The following PCDHA12 variants were observed in gnomAD, a reference collection of about 807,000 sequenced individuals.
PCDHA12 encodes protocadherin alpha 12.
In PCDHA12, 44 loss-of-function variants were observed where a neutral mutation model predicts 60.0. That is an observed-to-expected ratio of 0.73 (90% CI 0.58 to 0.94). The LOEUF (loss-of-function observed/expected upper bound fraction) is 0.94, where lower values mean the gene tolerates loss of function less well. Ranked by LOEUF, PCDHA12 falls within the 40% of genes least tolerant of loss-of-function variation. PCDHA12 has a pLI of 0.00. For synonymous variants in PCDHA12, 569 were observed against 553.0 expected, an observed-to-expected ratio of 1.03 and a Z score of -0.40; for missense variants, 1,276 against 1,239.7, an observed-to-expected ratio of 1.03 and a Z score of -0.44.
chr5:140,961,760 A>G (rs1563318527), intron 1 of PCDHA12, among the ~76,000 whole-genome samples: 3 of 152,172 alleles, frequency 2.0e-5, no homozygotes. Context: ...TTTTGAAGGA[A>G]TTTATATCAA....
intron 1 of PCDHA12, among the ~76,000 whole-genome samples, chr5:140,910,040 G>C (rs552041915): frequency 1.3e-5 from 2 of 152,276 alleles, no homozygotes; most frequent in South Asian, 4.2e-4. Context: ...AATCCCACTT[G>C]GTCATAATAA....
At chr5:140,939,766 C>T (rs58911992) in intron 1 of PCDHA12, among the ~76,000 whole-genome samples, 27,055 of 152,058 alleles carry the variant, frequency 0.18, 2,673 homozygotes, top group African/African-American at 0.26. Context: ...TATAGTATTT[C>T]AGGGTGTGAA....
chr5:141,004,037 G>A (rs946974688), intron 3 of PCDHA12, among the ~76,000 whole-genome samples: 1 of 152,200 alleles, frequency 6.6e-6, no homozygotes, highest in African/African-American at 2.4e-5. Flanking sequence ...TTCCTTGATT[G>A]ATCATTTGCT....
intron 1 of PCDHA12, among the ~76,000 whole-genome samples, chr5:140,941,409 C>T (rs1284702446): frequency 2.7e-5 from 4 of 149,924 alleles, no homozygotes; most frequent in Admixed American, 1.3e-4. Flanking sequence ...CTCCGCCTCC[C>T]GGGTTCAAGC....
chr5:140,985,902 T>G (rs1026675848), intron 3 of PCDHA12, among the ~76,000 whole-genome samples: 2 of 151,212 alleles, frequency 1.3e-5, no homozygotes, highest in Non-Finnish European at 2.9e-5. Flanking sequence ...ACCACTCCCG[T>G]CTAATTTTTT....
Position 140,968,451 on chromosome 5 carries a change from C to T in PCDHA12, c.2368-10498C>T, listed in dbSNP as rs782416830. 9 of 1,614,130 alleles carry T rather than the reference C, an allele frequency of 5.6e-6. No homozygotes were observed. The South Asian group carries it at 9.9e-5, about 18-fold the overall frequency. ...AAGGGGAGCCCACCACTGAGCAGCACTGTGACTGCCAACGTATATGTGGTG... is the reference window on the plus strand; with the variant it reads ...AAGGGGAGCCCACCACTGAGCAGCATTGTGACTGCCAACGTATATGTGGTG... On this transcript the variant is annotated intron_variant, in intron 1 of 3. Transcript: ENST00000398631.
chr5:140,997,675 TG>T (rs1554255972), intron 3 of PCDHA12, among the ~76,000 whole-genome samples: 41 of 151,686 alleles, frequency 2.7e-4, no homozygotes, highest in African/African-American at 9.7e-4. Flanking sequence ...AGCTTGTGTG[TG>T]TGTGTGTGTG....
intron 1 of PCDHA12, chr5:140,966,987 C>T (rs782372991): frequency 6.2e-7 from 1 of 1,604,132 alleles, no homozygotes; most frequent in South Asian, 1.1e-5. Context: ...CGCTTGGGGC[C>T]GGGTTGCTTG....
chr5:140,948,076 A>G (rs1554218436), intron 1 of PCDHA12, among the ~76,000 whole-genome samples: 1 of 151,508 alleles, frequency 6.6e-6, no homozygotes, highest in Non-Finnish European at 1.5e-5. Flanking sequence ...ATTTTCTTTT[A>G]ATCTATTGAT....
chr5:140,877,296 C>A lies in PCDHA12; in HGVS notation c.1824C>A (p.Ser608=), dbSNP rs781799440. ...DADSGYNAWL[S]YELQPAAVGA... is the part of the protein sequence containing the mutation. ...ACTCCGGCTATAACGCTTGGCTGTC[C>A]TACGAGTTGCAACCGGCGGCGGTCG... Residue 608 remains serine, a synonymous_variant, in exon 1 of 4, where the codon TCC becomes TCA. Coordinates refer to ENST00000398631, the MANE Select transcript of PCDHA12 (RefSeq NM_018903.4). 1.2e-6 allele frequency: 2 copies of A among 1,613,942 alleles called. No individual in the cohort carries two copies. The highest frequency in any genetic ancestry group is 1.7e-6 in the Non-Finnish European group (2 of 1,179,856).
chr5:140,878,728 C>T (rs1554170509), intron 1 of PCDHA12, among the ~76,000 whole-genome samples: 1 of 152,170 alleles, frequency 6.6e-6, no homozygotes, highest in Non-Finnish European at 1.5e-5. Flanking sequence ...AATTTCCAGC[C>T]TTATATCTAC....
intron 1 of PCDHA12, chr5:140,927,386 C>T: frequency 6.2e-7 from 1 of 1,614,106 alleles, no homozygotes; most frequent in African/African-American, 1.3e-5. Flanking sequence ...AGCCTAAGCC[C>T]CAGTCAGCAC....
intron 1 of PCDHA12, among the ~76,000 whole-genome samples, chr5:140,899,769 T>C (rs376898324): frequency 4.6e-4 from 70 of 152,316 alleles, no homozygotes; most frequent in African/African-American, 1.7e-3. Flanking sequence ...CAGTTCCTCC[T>C]TTTACCTCTG....
chr5:140,901,333 T>C (rs1370254894), intron 1 of PCDHA12, among the ~76,000 whole-genome samples: 1 of 152,200 alleles, frequency 6.6e-6, no homozygotes, highest in East Asian at 1.9e-4. Flanking sequence ...TTGTAGTCGT[T>C]TTATAGTTTG....
At chr5:140,967,919 G>A (rs1554230110) in intron 1 of PCDHA12, 1 of 1,614,212 alleles carries the variant, frequency 6.2e-7, no homozygotes, top group South Asian at 1.1e-5. Flanking sequence ...CACCATTGTG[G>A]CCGTTCTCAG....
intron 1 of PCDHA12, among the ~76,000 whole-genome samples, chr5:140,965,125 C>A (rs571083058): frequency 6.6e-6 from 1 of 152,308 alleles, no homozygotes; most frequent in Non-Finnish European, 1.5e-5. Context: ...GGAAGATCTA[C>A]AGATGACAGA....
chr5:140,997,188 G>T (rs948891203), intron 3 of PCDHA12, among the ~76,000 whole-genome samples: 1 of 151,976 alleles, frequency 6.6e-6, no homozygotes, highest in African/African-American at 2.4e-5. Context: ...GACAATTGAT[G>T]AAACTATATT....
Position 141,011,124 on chromosome 5 carries a change from G to A in PCDHA12, c.*1187G>A, listed in dbSNP as rs893951024. ...TCTCTCTTTTCTAAGAAACAATTAT[G>A]TGCACTTTGATACACAACCTTCTCT... On this transcript the variant is annotated 3_prime_UTR_variant, in exon 4 of 4. Transcript: ENST00000398631. 1 of 153,618 alleles carries A rather than the reference G, an allele frequency of 6.5e-6. No individual in the cohort carries two copies. The highest frequency in any genetic ancestry group is 2.4e-5 in the African/African-American group (1 of 41,382). 9.5% of individuals were successfully genotyped at this position (153,618 alleles called of 1,614,324 possible).
chr5:140,976,776 C>T (rs1554237952), intron 1 of PCDHA12, among the ~76,000 whole-genome samples: 1 of 152,184 alleles, frequency 6.6e-6, no homozygotes. Context: ...TAGACTCTGA[C>T]TATATAGCTA....
Sources: gnomAD v4.1 joint callset for allele counts (sites outside exome capture counted in the v4.1 genomes callset) on GRCh38, gnomAD v4.1.1 for gene constraint, MANE v1.5 for transcripts, NCBI Gene and HGNC (gene_info 2026-07-23, HGNC 2026-07-21) for gene names.